NUBPL: variants seen among roughly 807,000 people sequenced by gnomAD.
The protein encoded by NUBPL is iron-sulfur cluster transfer protein NUBPL.
In NUBPL, 31 loss-of-function variants were observed where a neutral mutation model predicts 45.7. That is an observed-to-expected ratio of 0.68 (90% confidence interval 0.51 to 0.92). NUBPL has a LOEUF of 0.92. Among genes scored for constraint, NUBPL ranks in the 40% least tolerant of loss-of-function variants. The probability of loss-of-function intolerance (pLI) is 0.00; values close to 1 mark genes in which losing one functional copy is unlikely to be tolerated. For synonymous variants in NUBPL, 144 were observed against 140.9 expected (o/e 1.02, Z -0.15); for missense variants, 401 against 398.7 (o/e 1.01, Z -0.05).
intron 7 of NUBPL, among the ~76,000 whole-genome samples, chr14:31,811,474 C>A (rs1005873011): frequency 6.6e-6 from 1 of 152,180 alleles, no homozygotes; most frequent in African/African-American, 2.4e-5. Flanking sequence ...TCCTTCAGGT[C>A]ACTTAAGGTC....
intron 7 of NUBPL, among the ~76,000 whole-genome samples, chr14:31,800,415 A>G (rs1224943229): frequency 6.6e-6 from 1 of 152,234 alleles, no homozygotes; most frequent in East Asian, 1.9e-4. Flanking sequence ...TAATAGTAAC[A>G]TCAAAGATCA....
At chr14:31,646,673 T>A (rs2035862493) in intron 4 of NUBPL, among the ~76,000 whole-genome samples, 1 of 152,154 alleles carries the variant, frequency 6.6e-6, no homozygotes. Flanking sequence ...GTTTGATTAT[T>A]ATATGCCTTA....
At chr14:31,857,714 TCAC>T (rs2040647015) in intron 10 of NUBPL, among the ~76,000 whole-genome samples, 1 of 151,958 alleles carries the variant, frequency 6.6e-6, no homozygotes, top group South Asian at 2.1e-4. Context: ...ATAACAAGAG[TCAC>T]CTTTGCTTCA....
chr14:31,733,472 A>G (rs1381951531), intron 6 of NUBPL, among the ~76,000 whole-genome samples: 4 of 152,200 alleles, frequency 2.6e-5, no homozygotes, highest in South Asian at 2.1e-4. Flanking sequence ...ATCCATGAAT[A>G]TTATATATCT....
At chr14:31,682,878 A>G (rs2036864260) in intron 6 of NUBPL, among the ~76,000 whole-genome samples, 1 of 152,138 alleles carries the variant, frequency 6.6e-6, no homozygotes, top group Non-Finnish European at 1.5e-5. Context: ...CAGACTGTAC[A>G]AGAAGCATGG....
chr14:31,808,690 G>A (rs546825877), intron 7 of NUBPL, among the ~76,000 whole-genome samples: 1 of 152,282 alleles, frequency 6.6e-6, no homozygotes, highest in South Asian at 2.1e-4. Flanking sequence ...TCCCTGTCTT[G>A]TGCCAGTTTT....
At chr14:31,706,154 C>T (rs1265847083) in intron 6 of NUBPL, among the ~76,000 whole-genome samples, 1 of 125,628 alleles carries the variant, frequency 8.0e-6, no homozygotes, top group Non-Finnish European at 1.9e-5. Context: ...ACCTCTCAAT[C>T]CCCCCTCTAA....
intron 4 of NUBPL, among the ~76,000 whole-genome samples, chr14:31,622,659 C>T (rs949348223): frequency 6.6e-6 from 1 of 152,224 alleles, no homozygotes; most frequent in Non-Finnish European, 1.5e-5. Flanking sequence ...AGAGGGTGCA[C>T]ACTCCAAATC....
intron 4 of NUBPL, among the ~76,000 whole-genome samples, chr14:31,667,211 C>G (rs2036454038): frequency 1.3e-5 from 2 of 152,124 alleles, no homozygotes; most frequent in South Asian, 4.1e-4. Flanking sequence ...TTGGTCTTTT[C>G]ACATAGTCCC....
intron 7 of NUBPL, among the ~76,000 whole-genome samples, chr14:31,793,425 G>A (rs2039419295): frequency 6.6e-6 from 1 of 152,078 alleles, no homozygotes; most frequent in Admixed American, 6.6e-5. Flanking sequence ...CCCCTCTTTG[G>A]AAATCACATA....
intron 6 of NUBPL, among the ~76,000 whole-genome samples, chr14:31,715,619 T>C (rs1386224413): frequency 1.3e-5 from 2 of 152,186 alleles, no homozygotes; most frequent in Admixed American, 6.5e-5. Flanking sequence ...ACAATAAAAA[T>C]ACAGTGTAAA....
At chr14:31,755,536 G>T (rs1483101188) in intron 6 of NUBPL, among the ~76,000 whole-genome samples, 1 of 151,280 alleles carries the variant, frequency 6.6e-6, no homozygotes, top group African/African-American at 2.4e-5. Flanking sequence ...CCCACTTTTT[G>T]ATGGAGTTGT....
intron 4 of NUBPL, among the ~76,000 whole-genome samples, chr14:31,604,929 A>C (rs2034544190): frequency 6.6e-6 from 1 of 152,200 alleles, no homozygotes. Context: ...ATGGTAGTGG[A>C]AAATCTAGCC....
chr14:31,828,638 A>G (rs756097129), intron 8 of NUBPL, among the ~76,000 whole-genome samples: 1 of 152,190 alleles, frequency 6.6e-6, no homozygotes, highest in Non-Finnish European at 1.5e-5. Context: ...TCAAAATACC[A>G]TTTCAACTGA....
chr14:31,602,107 G>C (rs1381164292), intron 4 of NUBPL, among the ~76,000 whole-genome samples: 4 of 152,124 alleles, frequency 2.6e-5, no homozygotes, highest in Non-Finnish European at 5.9e-5. Context: ...GATGAAACTG[G>C]AAATCATCAT....
At chr14:31,841,972 C>G in intron 8 of NUBPL, among the ~76,000 whole-genome samples, 2 of 117,272 alleles carry the variant, frequency 1.7e-5, no homozygotes, top group East Asian at 4.9e-4. Flanking sequence ...CCTCTGTCGC[C>G]TGGGCTGGAG....
chr14:31,692,636 G>A (rs1595501782), intron 6 of NUBPL, among the ~76,000 whole-genome samples: 1 of 152,220 alleles, frequency 6.6e-6, no homozygotes, highest in East Asian at 1.9e-4. Context: ...CACTTTAGCT[G>A]ATCCTGCAAT....
At chr14:31,669,022 A>G (rs2036506891) in intron 4 of NUBPL, among the ~76,000 whole-genome samples, 1 of 151,920 alleles carries the variant, frequency 6.6e-6, no homozygotes, top group African/African-American at 2.4e-5. Flanking sequence ...TAAATTTTAA[A>G]ATGATTTTAT....
intron 6 of NUBPL, among the ~76,000 whole-genome samples, chr14:31,685,537 C>G (rs779196920): frequency 1.3e-5 from 2 of 151,234 alleles, no homozygotes; most frequent in Non-Finnish European, 2.9e-5. Context: ...GACAGCCATA[C>G]CTTTTACAAG....
Sources: allele counts gnomAD v4.1 joint callset (sites outside exome capture counted in the v4.1 genomes callset), GRCh38; gene constraint gnomAD v4.1.1; transcripts MANE v1.5; gene names NCBI Gene and HGNC (gene_info 2026-07-23, HGNC 2026-07-21).